Variants in IMPG1 observed in about 807,000 individuals in gnomAD.
IMPG1 encodes the protein interphotoreceptor matrix proteoglycan of 150 kDa.
IMPG1 carries 85 observed loss-of-function variants against 92.0 expected under a neutral mutation model. The ratio of observed to expected loss-of-function variants is 0.92; its 90% CI spans 0.78 to 1.11. IMPG1 has a LOEUF of 1.11. Among genes scored for constraint, IMPG1 ranks in the 50% least tolerant of loss-of-function variants. The pLI, the probability that IMPG1 is intolerant of heterozygous loss-of-function variation, is 0.00. For synonymous variants in IMPG1, 367 were observed against 334.1 expected (o/e 1.10, Z -1.08); for missense variants, 1,022 against 956.0 (o/e 1.07, Z -0.91).
chr6:75,956,544 C>T (rs1330305209), intron 12 of IMPG1, among the ~76,000 whole-genome samples: 2 of 152,148 alleles, frequency 1.3e-5, no homozygotes, highest in Non-Finnish European at 2.9e-5. Flanking sequence ...AAAAAACAAG[C>T]TCCTGTATTC....
intron 12 of IMPG1, among the ~76,000 whole-genome samples, chr6:75,976,111 T>C (rs1782528051): frequency 6.6e-6 from 1 of 152,222 alleles, no homozygotes; most frequent in Admixed American, 6.5e-5. Context: ...TAACATCTTA[T>C]TGGTTTCCTC....
chr6:75,993,700 C>T (rs1433726528), intron 12 of IMPG1, among the ~76,000 whole-genome samples: 2 of 152,138 alleles, frequency 1.3e-5, no homozygotes, highest in Non-Finnish European at 2.9e-5. Context: ...TCTCAAAAAA[C>T]GTTCTCAATT....
chr6:76,050,836 G>A (rs1784028742), intron 1 of IMPG1, among the ~76,000 whole-genome samples: 1 of 152,142 alleles, frequency 6.6e-6, no homozygotes, highest in South Asian at 2.1e-4. Flanking sequence ...GAGGCTTACT[G>A]TACACATACA....
intron 15 of IMPG1, among the ~76,000 whole-genome samples, chr6:75,930,637 A>G (rs1280892773): frequency 6.6e-6 from 1 of 152,200 alleles, no homozygotes; most frequent in Non-Finnish European, 1.5e-5. Context: ...TAAAACTGAT[A>G]CAGGTTCTTT....
In IMPG1 at chr6:75,922,122, T is replaced by C; in HGVS notation, c.2361A>G (p.Glu787=). 7.2e-7 allele frequency: 1 copy of C among 1,386,796 alleles called. No homozygotes were observed. The highest frequency in any genetic ancestry group is 1.0e-6 in the Non-Finnish European group (1 of 983,722). The allele number at this position is 1,386,796 out of a possible 1,614,324, so 85.9% of individuals were successfully genotyped here. The change falls in exon 17 of 17, where the codon GAA becomes GAG. Residue 787 remains glutamate, a synonymous_variant. Coordinates refer to ENST00000369950, the MANE Select transcript of IMPG1 (RefSeq NM_001563.4). ...RNSELLTVEY[E]EFNHQDWEGN is the part of the protein sequence containing the mutation. Reference sequence around the variant, plus strand: ...CTTCCCAATCTTGATGGTTAAATTCTTCATATTCTACGGTCAGTAATTCAG... The same window carrying C: ...CTTCCCAATCTTGATGGTTAAATTCCTCATATTCTACGGTCAGTAATTCAG...
At chr6:75,977,268 G>C (rs1231954921) in intron 12 of IMPG1, among the ~76,000 whole-genome samples, 1 of 152,014 alleles carries the variant, frequency 6.6e-6, no homozygotes, top group Non-Finnish European at 1.5e-5. Flanking sequence ...TAATTGCTAG[G>C]AACTTGGCAG....
intron 12 of IMPG1, among the ~76,000 whole-genome samples, chr6:75,984,878 A>G (rs1268793506): frequency 6.6e-6 from 1 of 152,092 alleles, no homozygotes; most frequent in African/African-American, 2.4e-5. Context: ...GCCATGTGAC[A>G]TGCTTGCTCC....
chr6:76,029,763 C>G (rs189166412), intron 4 of IMPG1, among the ~76,000 whole-genome samples: 39 of 152,278 alleles, frequency 2.6e-4, no homozygotes, highest in Admixed American at 2.3e-3. Context: ...ACCAAGGGAA[C>G]TAACCAAAGC....
intron 1 of IMPG1, among the ~76,000 whole-genome samples, chr6:76,043,826 T>C (rs1783887203): frequency 6.6e-6 from 1 of 152,210 alleles, no homozygotes; most frequent in African/African-American, 2.4e-5. Context: ...TCTGGTTCTG[T>C]CCCTTCATGT....
chr6:76,022,182 A>T lies in IMPG1; in HGVS notation c.600T>A (p.Thr200=). Residue 200 remains threonine (T), a synonymous_variant, in exon 6 of 17, where the codon ACT becomes ACA. Coordinates refer to ENST00000369950, the MANE Select transcript of IMPG1 (RefSeq NM_001563.4). ...TTTCATTGAGGAGGGTGTCATCAGG[A>T]GTGAGAGGGAAAGGCCCAAGTGAGA... ...ANVSLGPFPL[T]PDDTLLNEIL... is the part of the protein sequence containing the mutation. 1 of 1,596,610 alleles carries T rather than the reference A, an allele frequency of 6.3e-7. No homozygotes were observed.
intron 2 of IMPG1, among the ~76,000 whole-genome samples, chr6:76,035,734 A>C (rs150084105): frequency 2.1e-3 from 317 of 152,248 alleles, no homozygotes; most frequent in African/African-American, 7.2e-3. Flanking sequence ...CTTTGTTAGT[A>C]CTTCCCTTTT....
rs755923921 is a variant in IMPG1, at chr6:76,025,259, C to T, written c.498-1G>A. 1 of 1,561,202 alleles carries T rather than the reference C, an allele frequency of 6.4e-7. No homozygotes were observed. Among genetic ancestry groups the T allele is most frequent in the Non-Finnish European group, 8.8e-7 (1 of 1,135,592 alleles). ...CTTCTCTGCAGATATTTCATCTTTTCTATTAGTACAATAGAAAAGAAGGAA... is the reference window on the plus strand; with the variant it reads ...CTTCTCTGCAGATATTTCATCTTTTTTATTAGTACAATAGAAAAGAAGGAA... On this transcript the variant is annotated splice_acceptor_variant, in intron 4 of 16. Transcript: ENST00000369950. LOFTEE classifies it high-confidence loss of function.
chr6:76,068,952 C>T (rs189383905), intron 1 of IMPG1, among the ~76,000 whole-genome samples: 34 of 151,868 alleles, frequency 2.2e-4, no homozygotes, highest in Non-Finnish European at 4.3e-4. Flanking sequence ...GAAAAAACAA[C>T]AAAAGAACAA....
intron 7 of IMPG1, among the ~76,000 whole-genome samples, chr6:76,012,944 C>A (rs1243094885): frequency 6.6e-6 from 1 of 152,036 alleles, no homozygotes; most frequent in Non-Finnish European, 1.5e-5. Context: ...TCCCTCCCAC[C>A]CCCCACATGC....
At chr6:76,019,905 G>A (rs1490246024) in intron 6 of IMPG1, among the ~76,000 whole-genome samples, 5 of 152,134 alleles carry the variant, frequency 3.3e-5, no homozygotes, top group Non-Finnish European at 5.9e-5. Context: ...GGGACAGAGG[G>A]GTTGTGAGAA....
At chr6:75,935,047 CTCTT>C (rs1781721707) in intron 14 of IMPG1, 1 of 469,700 alleles carries the variant, frequency 2.1e-6, no homozygotes, top group African/African-American at 2.0e-5. Context: ...CGTTGGGTCT[CTCTT>C]TCGTGGACGT....
chr6:76,044,818 C>G (rs1037274818), intron 1 of IMPG1, among the ~76,000 whole-genome samples: 1 of 152,150 alleles, frequency 6.6e-6, no homozygotes, highest in Non-Finnish European at 1.5e-5. Context: ...GAATTTTTCC[C>G]AGGTGGATCC....
chr6:75,934,977 G>C (rs1237407006), intron 14 of IMPG1: 1 of 471,374 alleles, frequency 2.1e-6, no homozygotes, highest in African/African-American at 2.0e-5. Flanking sequence ...CAAGGGCAAG[G>C]TTTCAGCTCA....
chr6:76,029,846 CT>C (rs2149486495), intron 4 of IMPG1, among the ~76,000 whole-genome samples: 1 of 152,162 alleles, frequency 6.6e-6, no homozygotes, highest in Admixed American at 6.5e-5. Context: ...ACAAGACATC[CT>C]TTTCTCTCCC....
Sources: allele counts gnomAD v4.1 joint callset (sites outside exome capture counted in the v4.1 genomes callset), GRCh38; gene constraint gnomAD v4.1.1; transcripts MANE v1.5; gene names NCBI Gene and HGNC (gene_info 2026-07-23, HGNC 2026-07-21).